The following WWP2 variants were observed in gnomAD, a reference collection of about 807,000 sequenced individuals.
The protein encoded by WWP2 is NEDD4-like E3 ubiquitin-protein ligase WWP2.
A neutral mutation model predicts 121.0 loss-of-function variants in WWP2; 57 were observed. The ratio of observed to expected loss-of-function variants is 0.47; its 90% CI spans 0.38 to 0.59. WWP2 has a LOEUF of 0.59. Among genes scored for constraint, WWP2 ranks in the 20% least tolerant of loss-of-function variants. The pLI, the probability that WWP2 is intolerant of heterozygous loss-of-function variation, is 0.00. For synonymous variants in WWP2, 449 were observed against 441.3 expected (o/e 1.02, Z -0.22); for missense variants, 962 against 1,158.9 (o/e 0.83, Z 2.47).
intron 6 of WWP2, among the ~76,000 whole-genome samples, chr16:69,857,377 GC>G (rs1260439826): frequency 6.6e-6 from 1 of 152,206 alleles, no homozygotes; most frequent in East Asian, 1.9e-4. Flanking sequence ...ACAGGTGTGA[GC>G]CACCACGCCT....
chr16:69,908,465 T>TA (rs77993367), intron 8 of WWP2, among the ~76,000 whole-genome samples: 10,782 of 152,264 alleles, frequency 0.071, 638 homozygotes, highest in East Asian at 0.35. Flanking sequence ...TGAATTTTTT[T>TA]AAAAAATCCA....
chr16:69,778,526 G>T (rs1308153521), intron 1 of WWP2, among the ~76,000 whole-genome samples: 2 of 152,136 alleles, frequency 1.3e-5, no homozygotes, highest in African/African-American at 4.8e-5. Flanking sequence ...TAAGCTTCTT[G>T]TAGTGGATAG....
chr16:69,914,693 C>G (rs1001930600), intron 9 of WWP2, among the ~76,000 whole-genome samples: 2 of 151,794 alleles, frequency 1.3e-5, no homozygotes, highest in African/African-American at 4.8e-5. Context: ...GAGGTCGAGG[C>G]TGCAGTGAGC....
intron 4 of WWP2, among the ~76,000 whole-genome samples, chr16:69,823,423 TTATTTATTTG>T (rs1203250198): frequency 2.6e-5 from 4 of 152,072 alleles, no homozygotes; most frequent in African/African-American, 9.7e-5. Context: ...CTTCTTTTAT[TTATTTATTTG>T]TATTTACAAA....
intron 19 of WWP2, chr16:69,936,900 AG>A: frequency 1.8e-6 from 1 of 565,000 alleles, no homozygotes. Context: ...GAGCAGGAGG[AG>A]GTGGTGGTGA....
At chr16:69,790,584 GTTTGTT>G (rs984895248) in intron 2 of WWP2, among the ~76,000 whole-genome samples, 1 of 150,704 alleles carries the variant, frequency 6.6e-6, no homozygotes, top group Non-Finnish European at 1.5e-5. Context: ...CTTTTTTTTT[GTTTGTT>G]TTTGAGACAG....
At chr16:69,926,945 G>A (rs2058649165) in intron 11 of WWP2, among the ~76,000 whole-genome samples, 1 of 152,172 alleles carries the variant, frequency 6.6e-6, no homozygotes, top group African/African-American at 2.4e-5. Context: ...AGGTGATGTA[G>A]CCCAGTCAAG....
intron 6 of WWP2, among the ~76,000 whole-genome samples, chr16:69,849,809 T>TAA (rs141237458): frequency 2.0e-5 from 3 of 149,870 alleles, no homozygotes; most frequent in African/African-American, 4.9e-5. Flanking sequence ...CCCTGTCTCT[T>TAA]AAAAAAAAAA....
At chr16:69,897,938 A>G (rs952546074) in intron 8 of WWP2, among the ~76,000 whole-genome samples, 5 of 151,906 alleles carry the variant, frequency 3.3e-5, no homozygotes, top group African/African-American at 1.2e-4. Flanking sequence ...AACAAAACAA[A>G]AAAAACACAA....
chr16:69,939,187 A>C (rs1371256101), intron 22 of WWP2, 64 bp downstream of exon 22: 1 of 1,561,108 alleles, frequency 6.4e-7, no homozygotes, highest in East Asian at 2.4e-5. Flanking sequence ...GGGAGGGGGA[A>C]ACCTAGTCTC....
At chr16:69,837,239 A>G (rs2056893071) in intron 4 of WWP2, among the ~76,000 whole-genome samples, 1 of 150,732 alleles carries the variant, frequency 6.6e-6, no homozygotes, top group Non-Finnish European at 1.5e-5. Context: ...GCTTTTAATT[A>G]ATTTTTTTTA....
At chr16:69,831,826 CCTTTT>C (rs1567691359) in intron 4 of WWP2, among the ~76,000 whole-genome samples, 3 of 146,326 alleles carry the variant, frequency 2.1e-5, no homozygotes, top group Admixed American at 6.8e-5. Context: ...AAAAACAAAA[CCTTTT>C]TTTTTTTTTT....
rs1205739027 is a variant in WWP2 at position 69,935,335 on chromosome 16, C to G, written c.1843-518C>G. On this transcript the variant is annotated intron_variant, in intron 17 of 23. Coordinates refer to ENST00000359154, the MANE Select transcript of WWP2 (RefSeq NM_001270454.2). This position sits in a 1 kb window ranked among gnomAD's most constrained non-coding sequence, Gnocchi z 5.2. ...GGAAATGGGCACATTCTTCCCAGGT[C>G]TAGAGACCCGCCTGGCCCAGCAGCC... is the stretch of plus-strand genomic sequence containing the variant. Among the ~76,000 whole-genome samples, 3 of 152,182 alleles carry G rather than the reference C, an allele frequency of 2.0e-5. No individual in the cohort carries two copies. Among genetic ancestry groups the G allele is most frequent in the Non-Finnish European group, 2.9e-5 (2 of 68,022 alleles).
At chr16:69,793,716 T>C (rs1418263182) in intron 2 of WWP2, among the ~76,000 whole-genome samples, 1 of 152,026 alleles carries the variant, frequency 6.6e-6, no homozygotes, top group African/African-American at 2.4e-5. Flanking sequence ...GCAATAGCGA[T>C]GTTATCTATG....
intron 7 of WWP2, among the ~76,000 whole-genome samples, chr16:69,873,931 A>G (rs984698600): frequency 6.6e-6 from 1 of 152,186 alleles, no homozygotes; most frequent in Non-Finnish European, 1.5e-5. Context: ...ATTTATTTTT[A>G]GGTACCATTA....
intron 19 of WWP2, 21 bp downstream of exon 19, chr16:69,936,473 G>C (rs374243095): frequency 1.2e-6 from 2 of 1,613,458 alleles, no homozygotes; most frequent in Non-Finnish European, 1.7e-6. Context: ...GGCGCCGGGG[G>C]CTCCGCTCCA....
chr16:69,882,747 A>G (rs1343597064), intron 7 of WWP2, among the ~76,000 whole-genome samples: 1 of 152,214 alleles, frequency 6.6e-6, no homozygotes, highest in Non-Finnish European at 1.5e-5. Flanking sequence ...GCGGGAAACA[A>G]ATCTGCCCTC....
intron 8 of WWP2, among the ~76,000 whole-genome samples, chr16:69,904,897 G>A (rs1267975326): frequency 6.6e-6 from 1 of 152,212 alleles, no homozygotes; most frequent in Non-Finnish European, 1.5e-5. Flanking sequence ...GCAAGAGGCC[G>A]TTAGCCTGAA....
At chr16:69,922,895 CT>C (rs568949535) in intron 10 of WWP2, among the ~76,000 whole-genome samples, 13,925 of 145,762 alleles carry the variant, frequency 0.096, 2,084 homozygotes, top group African/African-American at 0.32. Context: ...TGCCACGACT[CT>C]TTTTTTTTTT....
Sources: allele counts gnomAD v4.1 joint callset (sites outside exome capture counted in the v4.1 genomes callset), GRCh38; gene constraint gnomAD v4.1.1; non-coding constraint Gnocchi (gnomAD v3.1); transcripts MANE v1.5; gene names NCBI Gene and HGNC (gene_info 2026-07-23, HGNC 2026-07-21).